LINGO2: variants seen among roughly 807,000 people sequenced by gnomAD.
LINGO2 encodes leucine-rich repeat and immunoglobulin-like domain-containing nogo receptor-interacting protein 2.
LINGO2 carries 14 observed loss-of-function variants against 30.6 expected under a neutral mutation model. The ratio of observed to expected loss-of-function variants is 0.46; its 90% CI spans 0.30 to 0.72. The LOEUF (loss-of-function observed/expected upper bound fraction) is 0.72, where lower values mean the gene tolerates loss of function less well. LINGO2 is among the 30% of genes least tolerant of loss of function. The pLI is 0.07. For synonymous variants in LINGO2, 317 were observed against 288.5 expected (o/e 1.10, Z -1.00); for missense variants, 729 against 751.7 (o/e 0.97, Z 0.35).
chr9:28,601,217 T>C (rs1825453656), intron 1 of LINGO2, among the ~76,000 whole-genome samples: 2 of 152,124 alleles, frequency 1.3e-5, no homozygotes, highest in South Asian at 4.1e-4. Context: ...AGAGCTGATA[T>C]CGCAGATAGC....
intron 1 of LINGO2, among the ~76,000 whole-genome samples, chr9:28,481,357 G>A (rs1825956209): frequency 1.3e-5 from 2 of 152,030 alleles, no homozygotes; most frequent in Admixed American, 6.6e-5. Context: ...GTAGTAACCA[G>A]GCCTTCTACC....
the LINGO2 span, among the ~76,000 whole-genome samples, chr9:29,086,891 ATT>A: frequency 0.2 from 26,534 of 135,478 alleles, 1,992 homozygotes; most frequent in African/African-American, 0.25. Flanking sequence ...AAGAGCAGTG[ATT>A]TTTTTTTTTT....
At chr9:29,167,979 G>C in the LINGO2 span, among the ~76,000 whole-genome samples, 1 of 152,048 alleles carries the variant, frequency 6.6e-6, no homozygotes. Context: ...AAGGAAATTA[G>C]ATTTCTGGTA....
chr9:28,036,302 T>A (rs1341482709), intron 4 of LINGO2, among the ~76,000 whole-genome samples: 3 of 152,162 alleles, frequency 2.0e-5, no homozygotes. Flanking sequence ...TAATTATTCT[T>A]TTTTACTAAA....
chr9:28,252,473 C>G (rs942430781), intron 4 of LINGO2, among the ~76,000 whole-genome samples: 8 of 152,140 alleles, frequency 5.3e-5, no homozygotes, highest in Admixed American at 2.0e-4. Flanking sequence ...GATCTGCCCC[C>G]CTTGGCCTCC....
At chr9:28,512,335 G>C (rs563424337) in intron 1 of LINGO2, among the ~76,000 whole-genome samples, 1 of 151,778 alleles carries the variant, frequency 6.6e-6, no homozygotes, top group South Asian at 2.1e-4. Context: ...AGATGACAGG[G>C]TCTTGCTCCA....
At chr9:28,025,968 G>A (rs1205383819) in intron 4 of LINGO2, among the ~76,000 whole-genome samples, 1 of 152,182 alleles carries the variant, frequency 6.6e-6, no homozygotes, top group Non-Finnish European at 1.5e-5. Flanking sequence ...TTTCACAGAG[G>A]ATGAAGACCA....
the LINGO2 span, among the ~76,000 whole-genome samples, chr9:29,000,126 T>C: frequency 6.6e-6 from 1 of 151,978 alleles, no homozygotes; most frequent in Non-Finnish European, 1.5e-5. Context: ...CAGTTGTTGA[T>C]TCAATCATGT....
chr9:28,720,647 T>C, the LINGO2 span, among the ~76,000 whole-genome samples: 1 of 152,046 alleles, frequency 6.6e-6, no homozygotes, highest in African/African-American at 2.4e-5. Flanking sequence ...TTTGACCTAA[T>C]TGATGCTAAA....
chr9:28,524,830 A>G lies in LINGO2; in HGVS notation c.-364-48805T>C, dbSNP rs565050143. On this transcript the variant is annotated intron_variant, in intron 1 of 5. Transcript: ENST00000379992. ...CAATTTAATACTAAAAAGATAAACA[A>G]TGGAATTCAGAAATAAGCAAAGGGA... 5.3e-5 allele frequency among the ~76,000 whole-genome samples: 8 copies of G among 152,288 alleles called. No homozygotes were observed. In the East Asian group the frequency reaches 1.2e-3, roughly 22 times the overall value.
intron 1 of LINGO2, among the ~76,000 whole-genome samples, chr9:28,593,297 C>T (rs566783318): frequency 6.6e-6 from 1 of 152,152 alleles, no homozygotes; most frequent in East Asian, 1.9e-4. Context: ...ACATGCCATG[C>T]ACATAATTAC....
intron 4 of LINGO2, among the ~76,000 whole-genome samples, chr9:28,199,180 T>G (rs533039722): frequency 2.0e-4 from 30 of 152,164 alleles, no homozygotes; most frequent in Non-Finnish European, 2.9e-5. Flanking sequence ...GTTATTTATC[T>G]TTATTCCCAT....
chr9:28,902,039 C>CAAT, the LINGO2 span, among the ~76,000 whole-genome samples: 1 of 151,770 alleles, frequency 6.6e-6, no homozygotes, highest in African/African-American at 2.4e-5. Flanking sequence ...TTAATAATAA[C>CAAT]AATAATAATA....
At chr9:28,065,057 T>C in intron 4 of LINGO2, among the ~76,000 whole-genome samples, 1 of 151,710 alleles carries the variant, frequency 6.6e-6, no homozygotes, top group East Asian at 1.9e-4. Context: ...AGACAAGCTT[T>C]CTTCTATCTG....
chr9:28,918,303 C>A, the LINGO2 span, among the ~76,000 whole-genome samples: 1 of 152,036 alleles, frequency 6.6e-6, no homozygotes, highest in African/African-American at 2.4e-5. Flanking sequence ...GGGAAAACCA[C>A]CCCCCCAGGG....
chr9:28,777,651 A>G, the LINGO2 span, among the ~76,000 whole-genome samples: 1 of 152,200 alleles, frequency 6.6e-6, no homozygotes, highest in Non-Finnish European at 1.5e-5. Context: ...AGGTGCAGGA[A>G]TGTGCGTCAT....
intron 4 of LINGO2, among the ~76,000 whole-genome samples, chr9:28,197,086 G>C (rs915375342): frequency 1.3e-5 from 2 of 151,954 alleles, no homozygotes; most frequent in Admixed American, 1.3e-4. Context: ...ATAAATCCTT[G>C]AGGAGATAGA....
chr9:28,126,365 G>T (rs1209890831), intron 4 of LINGO2, among the ~76,000 whole-genome samples: 1 of 152,014 alleles, frequency 6.6e-6, no homozygotes, highest in African/African-American at 2.4e-5. Context: ...GCTTTAAGTG[G>T]AAGGGGAATA....
the LINGO2 span, chr9:28,863,764 A>G: frequency 1.2e-5 from 5 of 410,438 alleles, no homozygotes; most frequent in Non-Finnish European, 2.8e-5. Context: ...TTTGGCCACC[A>G]AAAGTTGAGG....
Sources: allele counts gnomAD v4.1 joint callset (sites outside exome capture counted in the v4.1 genomes callset), GRCh38; gene constraint gnomAD v4.1.1; transcripts MANE v1.5; gene names NCBI Gene and HGNC (gene_info 2026-07-23, HGNC 2026-07-21).